The following PTPRD variants were observed in gnomAD, a reference collection of about 807,000 sequenced individuals.
PTPRD encodes the protein protein tyrosine phosphatase receptor type D.
PTPRD carries 34 observed loss-of-function variants against 214.5 expected under a neutral mutation model. That is an observed-to-expected ratio of 0.16 (90% CI 0.12 to 0.21). PTPRD has a LOEUF of 0.21. Among genes scored for constraint, PTPRD ranks in the 10% least tolerant of loss-of-function variants. The probability of loss-of-function intolerance (pLI) is 1.00; values close to 1 mark genes in which losing one functional copy is unlikely to be tolerated. For missense variants in PTPRD, 2,545 were observed against 2,398.7 expected (o/e 1.06, Z -1.27); for synonymous variants, 1,128 against 845.7 (o/e 1.33, Z -5.79).
chr9:8,760,088 G>A (rs1433848685), intron 11 of PTPRD, among the ~76,000 whole-genome samples: 3 of 152,112 alleles, frequency 2.0e-5, no homozygotes, highest in African/African-American at 2.4e-5. Flanking sequence ...GCGCCACAAC[G>A]CCCAGCTAAT....
intron 37 of PTPRD, among the ~76,000 whole-genome samples, chr9:8,381,271 G>A (rs1398972221): frequency 1.3e-5 from 2 of 152,192 alleles, no homozygotes; most frequent in East Asian, 3.8e-4. Context: ...CCCATTTAAT[G>A]AGGGAGACTA....
At chr9:9,587,648 G>A (rs1044697436) in intron 7 of PTPRD, among the ~76,000 whole-genome samples, 1 of 151,898 alleles carries the variant, frequency 6.6e-6, no homozygotes, top group Admixed American at 6.6e-5. Flanking sequence ...CTGGGGAATG[G>A]GATCCAAAAT....
chr9:9,013,058 C>A (rs528059743), intron 11 of PTPRD, among the ~76,000 whole-genome samples: 3 of 152,114 alleles, frequency 2.0e-5, no homozygotes, highest in Admixed American at 2.0e-4. Context: ...GGGGGGGATG[C>A]AGATAGCACA....
intron 35 of PTPRD, among the ~76,000 whole-genome samples, chr9:8,419,177 G>T (rs985664872): frequency 3.4e-5 from 5 of 146,742 alleles, no homozygotes; most frequent in African/African-American, 1.3e-4. Context: ...GCTGAGATGA[G>T]ATCATCTCAC....
At chr9:9,437,078 A>G (rs937456962) in intron 8 of PTPRD, among the ~76,000 whole-genome samples, 1 of 152,102 alleles carries the variant, frequency 6.6e-6, no homozygotes, top group Non-Finnish European at 1.5e-5. Context: ...AATGTAATAA[A>G]CTCTAATATT....
intron 11 of PTPRD, among the ~76,000 whole-genome samples, chr9:8,813,428 G>A (rs960463582): frequency 9.2e-5 from 14 of 152,072 alleles, no homozygotes; most frequent in African/African-American, 3.1e-4. Flanking sequence ...TTCTCCTAAC[G>A]TTTACCACAG....
intron 14 of PTPRD, among the ~76,000 whole-genome samples, chr9:8,596,304 C>T (rs1017562913): frequency 1.2e-4 from 18 of 151,594 alleles, no homozygotes; most frequent in East Asian, 1.2e-3. Context: ...GATAAATATA[C>T]GCATTTATAA....
At chr9:10,419,830 G>C (rs572852982) in intron 2 of PTPRD, among the ~76,000 whole-genome samples, 1 of 151,620 alleles carries the variant, frequency 6.6e-6, no homozygotes, top group Non-Finnish European at 1.5e-5. Flanking sequence ...CATTTAGTGA[G>C]ACATATTTTA....
chr9:10,508,748 A>C (rs1156391760), intron 2 of PTPRD, among the ~76,000 whole-genome samples: 1 of 152,024 alleles, frequency 6.6e-6, no homozygotes, highest in African/African-American at 2.4e-5. Context: ...TGAACAATGG[A>C]ACACTTGGAC....
intron 9 of PTPRD, among the ~76,000 whole-genome samples, chr9:9,297,564 G>A (rs987698638): frequency 6.6e-6 from 1 of 151,522 alleles, no homozygotes; most frequent in Non-Finnish European, 1.5e-5. Flanking sequence ...ATTATTTCAG[G>A]TAGTTTCCAC....
chr9:10,026,533 C>A (rs970272391), intron 4 of PTPRD, among the ~76,000 whole-genome samples: 1 of 152,074 alleles, frequency 6.6e-6, no homozygotes, highest in East Asian at 1.9e-4. Flanking sequence ...CAACGATGGA[C>A]AAAAAATAAT....
At chr9:8,553,789 C>G (rs929198638) in intron 14 of PTPRD, among the ~76,000 whole-genome samples, 1 of 152,134 alleles carries the variant, frequency 6.6e-6, no homozygotes, top group Non-Finnish European at 1.5e-5. Flanking sequence ...TAAGCTATGA[C>G]CTTGTTGTTT....
At chr9:8,759,157 A>G (rs1489774042) in intron 11 of PTPRD, among the ~76,000 whole-genome samples, 1 of 152,006 alleles carries the variant, frequency 6.6e-6, no homozygotes, top group Non-Finnish European at 1.5e-5. Flanking sequence ...CTGCCTCCCA[A>G]GTAGCTAGGA....
At chr9:8,673,582 C>G (rs143887448) in intron 12 of PTPRD, among the ~76,000 whole-genome samples, 205 of 152,178 alleles carry the variant, frequency 1.3e-3, no homozygotes, top group Non-Finnish European at 2.2e-3. Flanking sequence ...TTGCCTCTTC[C>G]TTCTATTCCA....
In PTPRD at chr9:8,512,033, T is replaced by C. The variant is rs1319966155; in HGVS notation, c.1544-4599A>G. 6.6e-5 allele frequency among the ~76,000 whole-genome samples: 10 copies of C among 152,124 alleles called. No homozygotes were observed. The East Asian group carries it at 1.7e-3, about 26-fold the overall frequency. The stretch of plus-strand genomic sequence containing the variant: ...ATCTCTAAAGAAAGGTTGACACATA[T>C]TGCACTGCTAAACAACAGTTTCATC... On this transcript the variant is annotated intron_variant, in intron 21 of 45. Transcript: ENST00000381196.
intron 7 of PTPRD, among the ~76,000 whole-genome samples, chr9:9,702,098 C>A (rs1267921204): frequency 6.6e-6 from 1 of 151,534 alleles, no homozygotes; most frequent in Non-Finnish European, 1.5e-5. Context: ...CCAGCCTGGG[C>A]AACAGAGCAA....
chr9:10,170,966 G>C (rs1272214400), intron 3 of PTPRD, among the ~76,000 whole-genome samples: 2 of 152,032 alleles, frequency 1.3e-5, no homozygotes, highest in Non-Finnish European at 2.9e-5. Flanking sequence ...CCTTTTCCTT[G>C]ATTTCACTAA....
chr9:10,603,681 G>A (rs1427264013), intron 2 of PTPRD, among the ~76,000 whole-genome samples: 1 of 151,794 alleles, frequency 6.6e-6, no homozygotes, highest in Non-Finnish European at 1.5e-5. Flanking sequence ...ATAGTGACTG[G>A]CAGATATGAA....
intron 8 of PTPRD, among the ~76,000 whole-genome samples, chr9:9,492,661 T>A (rs1034517437): frequency 6.6e-6 from 1 of 151,396 alleles, no homozygotes; most frequent in Non-Finnish European, 1.5e-5. Context: ...TCCAACATAA[T>A]AAAAGTCACG....
Sources: allele counts gnomAD v4.1 joint callset (sites outside exome capture counted in the v4.1 genomes callset), GRCh38; gene constraint gnomAD v4.1.1; transcripts MANE v1.5; gene names NCBI Gene and HGNC (gene_info 2026-07-23, HGNC 2026-07-21).